The following ASTN2 variants were observed in gnomAD, a reference collection of about 807,000 sequenced individuals.
ASTN2 encodes the protein astrotactin 2.
A neutral mutation model predicts 139.8 loss-of-function variants in ASTN2; 54 were observed. The observed-to-expected ratio is 0.39, with a 90% confidence interval of 0.31 to 0.48. The LOEUF (loss-of-function observed/expected upper bound fraction) is 0.48. Ranked by LOEUF, ASTN2 falls within the 20% of genes least tolerant of loss-of-function variation. The pLI is 0.95. For missense variants in ASTN2, 1,565 were observed against 1,725.1 expected (o/e 0.91, Z 1.64); for synonymous variants, 756 against 719.5 (o/e 1.05, Z -0.81).
chr9:116,725,692 G>A (rs536453342), intron 16 of ASTN2, 79 bp downstream of exon 16: 1 of 1,433,204 alleles, frequency 7.0e-7, no homozygotes, highest in African/African-American at 1.4e-5. Context: ...TTAGATCCAA[G>A]GCAGCTCAGT....
chr9:117,006,497 T>C (rs1281625783), intron 7 of ASTN2, among the ~76,000 whole-genome samples: 26 of 152,160 alleles, frequency 1.7e-4, no homozygotes, highest in Admixed American at 1.7e-3. Context: ...TGATCACTGT[T>C]CACCATCTTC....
chr9:116,949,325 G>A (rs774094965), intron 10 of ASTN2, among the ~76,000 whole-genome samples: 1 of 151,994 alleles, frequency 6.6e-6, no homozygotes, highest in Non-Finnish European at 1.5e-5. Flanking sequence ...TTGCTTCTAA[G>A]TGATATAAAC....
intron 1 of ASTN2, among the ~76,000 whole-genome samples, chr9:117,382,151 A>T (rs111906056): frequency 4.0e-4 from 61 of 152,264 alleles, no homozygotes; most frequent in African/African-American, 1.3e-3. Context: ...GGTCAACATG[A>T]CTTGGAGGGA....
At chr9:117,086,302 C>G (rs1001663372) in intron 5 of ASTN2, among the ~76,000 whole-genome samples, 1 of 152,128 alleles carries the variant, frequency 6.6e-6, no homozygotes, top group East Asian at 1.9e-4. Context: ...TGGCCGGGTG[C>G]GGTGGCTCAC....
chr9:116,472,160 G>A (rs1377262666), intron 20 of ASTN2, among the ~76,000 whole-genome samples: 1 of 152,064 alleles, frequency 6.6e-6, no homozygotes, highest in Non-Finnish European at 1.5e-5. Flanking sequence ...CTTAGCACAC[G>A]TTATGAGGCC....
At chr9:116,516,934 T>C (rs748716025) in intron 19 of ASTN2, among the ~76,000 whole-genome samples, 1 of 152,126 alleles carries the variant, frequency 6.6e-6, no homozygotes, top group Non-Finnish European at 1.5e-5. Context: ...CTGGGAACCA[T>C]ACCCCATTCC....
At chr9:116,773,526 C>T (rs1265624341) in intron 13 of ASTN2, among the ~76,000 whole-genome samples, 1 of 152,126 alleles carries the variant, frequency 6.6e-6, no homozygotes, top group African/African-American at 2.4e-5. Flanking sequence ...GGGAGAACCT[C>T]ACACAAAGAT....
At chr9:117,162,086 G>C (rs1431641220) in intron 3 of ASTN2, among the ~76,000 whole-genome samples, 1 of 152,060 alleles carries the variant, frequency 6.6e-6, no homozygotes, top group African/African-American at 2.4e-5. Context: ...ATCAAAATGA[G>C]TTGGAGGTAG....
intron 5 of ASTN2, among the ~76,000 whole-genome samples, chr9:117,072,831 C>G (rs541230615): frequency 6.6e-6 from 1 of 152,252 alleles, no homozygotes; most frequent in South Asian, 2.1e-4. Flanking sequence ...CCTTTGACTT[C>G]TAATTCAGTG....
At chr9:116,589,979 G>A (rs940516699) in intron 19 of ASTN2, among the ~76,000 whole-genome samples, 1 of 152,214 alleles carries the variant, frequency 6.6e-6, no homozygotes, top group Non-Finnish European at 1.5e-5. Context: ...GGGCATCTGG[G>A]CTATGCATAC....
intron 5 of ASTN2, among the ~76,000 whole-genome samples, chr9:117,091,930 A>C (rs1251065142): frequency 6.6e-6 from 1 of 152,196 alleles, no homozygotes; most frequent in Non-Finnish European, 1.5e-5. Context: ...GACTTTTAGC[A>C]GTTTTAAAGC....
chr9:117,210,332 A>G (rs1832078509), intron 3 of ASTN2, among the ~76,000 whole-genome samples: 1 of 152,176 alleles, frequency 6.6e-6, no homozygotes, highest in Non-Finnish European at 1.5e-5. Context: ...GAACACTCAC[A>G]TAAATAAAAT....
chr9:116,687,272 G>C (rs1009017923), intron 16 of ASTN2: 1 of 991,464 alleles, frequency 1.0e-6, no homozygotes, highest in Non-Finnish European at 1.2e-6. Context: ...GTGACGGACA[G>C]GGAGCTCTGC....
intron 3 of ASTN2, among the ~76,000 whole-genome samples, chr9:117,191,233 A>AAG (rs1020998966): frequency 6.6e-6 from 1 of 151,784 alleles, no homozygotes; most frequent in Non-Finnish European, 1.5e-5. Context: ...ATAGCAAAAA[A>AAG]AAAAAAAAAA....
At chr9:117,195,902 T>C (rs1049646232) in intron 3 of ASTN2, among the ~76,000 whole-genome samples, 3 of 152,194 alleles carry the variant, frequency 2.0e-5, no homozygotes, top group Admixed American at 6.5e-5. Context: ...TCTGCCAATT[T>C]AGGAGCTCAG....
chr9:116,936,816 G>A (rs946081028), intron 10 of ASTN2, among the ~76,000 whole-genome samples: 2 of 143,310 alleles, frequency 1.4e-5, no homozygotes, highest in African/African-American at 5.0e-5. Flanking sequence ...TCTGCCCAAG[G>A]CTTGGCACAC....
intron 3 of ASTN2, among the ~76,000 whole-genome samples, chr9:117,186,274 C>T (rs13298033): frequency 0.22 from 32,982 of 152,102 alleles, 4,142 homozygotes; most frequent in Middle Eastern, 0.37. Flanking sequence ...TGGCCGGGCG[C>T]GGTGGCCCAC....
At chr9:116,686,689 C>T in intron 16 of ASTN2, 3 of 1,550,312 alleles carry the variant, frequency 1.9e-6, no homozygotes, top group Non-Finnish European at 2.6e-6. Context: ...GTTTGGGTTC[C>T]CGGGTACCTT....
rs531602199 is a variant in ASTN2 at position 116,669,269 on chromosome 9, T to C, written c.2807-17476A>G. On this transcript the variant is annotated intron_variant, in intron 16 of 22. Transcript: ENST00000313400. ...ATTTGCATGTAATTAAAAGTGGGTA[T>C]AAATACGTCTGCAGAGCTGCTACTT... Among the ~76,000 whole-genome samples, 8 of 152,326 alleles carry C rather than the reference T, an allele frequency of 5.3e-5. No homozygotes were observed. The East Asian group carries it at 1.5e-3, about 29-fold the overall frequency.
Sources: gnomAD v4.1 joint callset for allele counts (sites outside exome capture counted in the v4.1 genomes callset) on GRCh38, gnomAD v4.1.1 for gene constraint, MANE v1.5 for transcripts, NCBI Gene and HGNC (gene_info 2026-07-23, HGNC 2026-07-21) for gene names.